Variants in ECPAS observed in about 807,000 individuals in gnomAD.
ECPAS encodes proteasome adapter and scaffold protein ECM29.
In ECPAS, 70 loss-of-function variants were observed where a neutral mutation model predicts 255.1. The ratio of observed to expected loss-of-function variants is 0.27; its 90% confidence interval spans 0.23 to 0.33. The LOEUF is 0.33. Ranked by LOEUF, ECPAS falls within the 10% of genes least tolerant of loss-of-function variation. The pLI, the probability that ECPAS is intolerant of heterozygous loss-of-function variation, is 1.00. For synonymous variants in ECPAS, 784 were observed against 775.0 expected (o/e 1.01, Z -0.19); for missense variants, 1,817 against 2,206.4 (o/e 0.82, Z 3.54).
intron 17 of ECPAS, among the ~76,000 whole-genome samples, chr9:111,416,699 T>TA (rs1350355285): frequency 2.0e-5 from 3 of 152,132 alleles, no homozygotes; most frequent in African/African-American, 7.2e-5. Context: ...TGACCACAAA[T>TA]AGACTGTGCT....
intron 7 of ECPAS, among the ~76,000 whole-genome samples, chr9:111,436,428 T>C (rs2098238285): frequency 6.6e-6 from 1 of 152,188 alleles, no homozygotes; most frequent in Non-Finnish European, 1.5e-5. Context: ...ATAAAATCCT[T>C]AATGCCAATT....
intron 1 of ECPAS, among the ~76,000 whole-genome samples, chr9:111,476,394 A>G (rs990277273): frequency 3.3e-5 from 5 of 152,180 alleles, no homozygotes; most frequent in South Asian, 2.1e-4. Flanking sequence ...TCTTGCATTG[A>G]ATTTCATTTC....
rs775048460 is a variant in ECPAS, at chr9:111,414,625, A to G, written c.1791T>C (p.Leu597=). The change falls in exon 19 of 50, where the codon CTT becomes CTC. Residue 597 remains leucine (L), a synonymous_variant. Coordinates refer to ENST00000684092, the MANE Select transcript of ECPAS (RefSeq NM_001364929.1). ...TGGGCACCACCCCCGCACTGTGCGC[A>G]AGGCACATGCGCAAGTACAGAACGA... ...GEIVLYLRMC[L]AHSAGVVPTS... is the part of the protein sequence containing the mutation. The G allele has an allele frequency of 5.0e-6, 8 of 1,613,592 alleles. No homozygotes were observed. In the South Asian group the frequency reaches 8.8e-5, roughly 18 times the overall value.
chr9:111,391,334 T>C (rs2098159739), intron 29 of ECPAS, among the ~76,000 whole-genome samples: 2 of 152,076 alleles, frequency 1.3e-5, no homozygotes, highest in South Asian at 2.1e-4. Flanking sequence ...TCCCAGCACT[T>C]TGGGAGGCCG....
At chr9:111,452,729 A>T (rs2131969733) in intron 2 of ECPAS, among the ~76,000 whole-genome samples, 1 of 152,276 alleles carries the variant, frequency 6.6e-6, no homozygotes, top group South Asian at 2.1e-4. Flanking sequence ...ACATGGATAG[A>T]CAGACAGACA....
At chr9:111,375,543 ATCT>A in intron 37 of ECPAS, among the ~76,000 whole-genome samples, 1 of 152,296 alleles carries the variant, frequency 6.6e-6, no homozygotes, top group African/African-American at 2.4e-5. Context: ...CTAAATATTG[ATCT>A]TCTACAGTGG....
rs578134642 is a variant in ECPAS, at chr9:111,454,521, C to T, written c.23-2966G>A. Among the ~76,000 whole-genome samples the T allele has an allele frequency of 4.6e-5, 7 of 152,198 alleles. No homozygotes were observed. The South Asian group carries it at 1.5e-3, about 32-fold the overall frequency. ...GCACCAACCACCATGTGAGAGGGTC[C>T]TGCTAAAACAGGCTGGCTACACCAG... On this transcript the variant is annotated intron_variant, in intron 2 of 49. Coordinates refer to ENST00000684092, the MANE Select transcript of ECPAS (RefSeq NM_001364929.1).
chr9:111,429,039 C>T (rs1351489514), intron 9 of ECPAS, among the ~76,000 whole-genome samples: 1 of 152,204 alleles, frequency 6.6e-6, no homozygotes, highest in Admixed American at 6.5e-5. Flanking sequence ...GTGGTGAATA[C>T]AAGTTTCTCA....
At position 111,384,548 on chromosome 9, in the gene ECPAS, C is replaced by G; in HGVS notation, c.3655G>C (p.Glu1219Gln). 1 of 1,613,916 alleles carries G rather than the reference C, an allele frequency of 6.2e-7. No homozygotes were observed. The highest frequency in any genetic ancestry group is 8.5e-7 in the Non-Finnish European group (1 of 1,179,800). The change falls in exon 34 of 50, where the codon GAA becomes CAA. Residue 1219 changes from glutamate to glutamine, a missense_variant. Around this residue, in one of 4 missense-constraint regions of ECPAS, gnomAD observed 960 missense variants for 1,179.0 expected, o/e 0.81. Transcript: ENST00000684092. ...DIKESVRKAA[E>Q]LALKTLSKVC... ...TTGCTCAGAGTTTTCAGAGCTAGTT[C>G]TGCCGCTTTTCGTACAGATTCCTAA...
At chr9:111,478,853 T>C (rs1337735692) in intron 1 of ECPAS, among the ~76,000 whole-genome samples, 3 of 152,218 alleles carry the variant, frequency 2.0e-5, no homozygotes, top group Non-Finnish European at 4.4e-5. Context: ...TCAATAGTAT[T>C]GTAATTCCTT....
At position 111,424,549 on chromosome 9, in the gene ECPAS, T is replaced by C. The variant is rs992613740; in HGVS notation, c.1215+869A>G. Among the ~76,000 whole-genome samples, 7 of 103,806 alleles carry C rather than the reference T, an allele frequency of 6.7e-5. No individual in the cohort carries two copies. The Admixed American group carries it at 7.8e-4, about 12-fold the overall frequency. 68.1% of individuals were successfully genotyped at this position (103,806 alleles called of 152,430 possible). A position where few individuals can be genotyped will look rare whatever the true frequency, so the allele number is the denominator to read the frequency against. On this transcript the variant is annotated intron_variant, in intron 12 of 49. Transcript: ENST00000684092. ...AAATTCCTTTTAAATATTGGAGATA[T>C]TATAGTAAGAGAAATACAGCAGGGA...
chr9:111,484,231 G>C lies in ECPAS; in HGVS notation c.-198C>G. On this transcript the variant is annotated 5_prime_UTR_variant, in exon 1 of 50. Transcript: ENST00000684092. The stretch of plus-strand genomic sequence containing the variant: ...CGGGGAGCCGCGCGCCGCAGTCCGT[G>C]AGGGGCTGGGCCGAGCGGGCCCGGG... 1.4e-6 allele frequency: 2 copies of C among 1,469,588 alleles called. No individual in the cohort carries two copies. The highest frequency in any genetic ancestry group is 1.5e-5 in the African/African-American group (1 of 67,376). The allele number at this position is 1,469,588 out of a possible 1,614,324, so 91.0% of individuals were successfully genotyped here. A position where few individuals can be genotyped will look rare whatever the true frequency, so the allele number is the denominator to read the frequency against.
intron 24 of ECPAS, 65 bp downstream of exon 24, chr9:111,408,506 A>T (rs1397432205): frequency 2.3e-5 from 3 of 132,404 alleles, no homozygotes; most frequent in South Asian, 2.7e-4. Context: ...AACTGCACCT[A>T]AAAAAAAAAA....
chr9:111,440,350 T>G (rs773627321), intron 6 of ECPAS, 22 bp downstream of exon 6: 1 of 1,579,324 alleles, frequency 6.3e-7, no homozygotes, highest in Non-Finnish European at 8.6e-7. Flanking sequence ...AAGAACAAGG[T>G]TGCTTTTATT....
rs2098188968 is a variant in ECPAS, at chr9:111,408,660, C to T, written c.2563G>A (p.Ala855Thr). The T allele has an allele frequency of 1.9e-6, 3 of 1,571,686 alleles. No individual in the cohort carries two copies. The highest frequency in any genetic ancestry group is 2.6e-6 in the Non-Finnish European group (3 of 1,160,578). ...SKETNKMKERAIQTLGYFPVG... is the reference protein window; with the variant it reads ...SKETNKMKERTIQTLGYFPVG... The stretch of plus-strand genomic sequence containing the variant: ...GGAAAATATCCCAGTGTTTGGATTG[C>T]TCGTTCTTTCATCTGGAAGAACACC... Residue 855 changes from alanine to threonine, a missense_variant, in exon 24 of 50, where the codon GCA (alanine) becomes ACA (threonine). This residue lies in a region of ECPAS where 960 missense variants were observed against 1,179.0 expected (regional missense o/e 0.81). Transcript: ENST00000684092.
intron 7 of ECPAS, among the ~76,000 whole-genome samples, chr9:111,435,614 T>C (rs1297558332): frequency 6.6e-6 from 1 of 152,114 alleles, no homozygotes; most frequent in Non-Finnish European, 1.5e-5. Flanking sequence ...AGATATTGTA[T>C]TCAAAGTACC....
At chr9:111,405,721 A>T (rs1196022877) in intron 24 of ECPAS, among the ~76,000 whole-genome samples, 1 of 149,846 alleles carries the variant, frequency 6.7e-6, no homozygotes, top group East Asian at 2.0e-4. Context: ...TTGAAAAGGG[A>T]CAAAAGATCT....
rs138105819 is a variant in ECPAS, at chr9:111,482,731, A to G, written c.-83+1385T>C. On this transcript the variant is annotated intron_variant, in intron 1 of 49. Coordinates refer to ENST00000684092, the MANE Select transcript of ECPAS (RefSeq NM_001364929.1). ...AATCAGAAATTATCTCACATGTCCT[A>G]TGTCCTATGAAACTTCGGTATTTAT... 5.5e-4 allele frequency among the ~76,000 whole-genome samples: 83 copies of G among 152,074 alleles called. 2 individuals carry two copies. Among genetic ancestry groups the G allele is most frequent in the African/African-American group, 1.8e-3 (76 of 41,470 alleles).
intron 18 of ECPAS, 61 bp from the exon 19 acceptor site, chr9:111,414,712 A>T: frequency 7.1e-7 from 1 of 1,409,646 alleles, no homozygotes; most frequent in Admixed American, 1.8e-5. Context: ...GTGGGAAGGT[A>T]CTCTTCAAAG....
Sources: allele counts gnomAD v4.1 joint callset (sites outside exome capture counted in the v4.1 genomes callset), GRCh38; gene constraint gnomAD v4.1.1; regional missense constraint gnomAD v4.1.1; transcripts MANE v1.5; gene names NCBI Gene and HGNC (gene_info 2026-07-23, HGNC 2026-07-21).